The following PCDHA2 variants were observed in gnomAD, a reference collection of about 807,000 sequenced individuals.
The protein encoded by PCDHA2 is protocadherin alpha 2.
In PCDHA2, 58 loss-of-function variants were observed where a neutral mutation model predicts 66.0. The ratio of observed to expected loss-of-function variants is 0.88; its 90% CI spans 0.71 to 1.09. The LOEUF is 1.09. PCDHA2 is among the 50% of genes least tolerant of loss of function. PCDHA2 has a pLI of 0.00. For synonymous variants in PCDHA2, 634 were observed against 554.0 expected, an observed-to-expected ratio of 1.14 and a Z score of -2.03; for missense variants, 1,267 against 1,242.3, an observed-to-expected ratio of 1.02 and a Z score of -0.30.
intron 1 of PCDHA2, chr5:140,814,602 A>G (rs1361623602): frequency 6.6e-6 from 1 of 152,200 alleles, no homozygotes; most frequent in Non-Finnish European, 1.5e-5. Context: ...TGTATGTGCT[A>G]TCTTGTACTT....
intron 3 of PCDHA2, among the ~76,000 whole-genome samples, chr5:141,004,121 C>T (rs1250923202): frequency 6.6e-6 from 1 of 152,230 alleles, no homozygotes; most frequent in Non-Finnish European, 1.5e-5. Flanking sequence ...AAGGGAGTAT[C>T]TCCATGATTC....
intron 1 of PCDHA2, chr5:140,823,530 T>C: frequency 1.2e-6 from 2 of 1,613,714 alleles, no homozygotes. Flanking sequence ...GGTCAGTGGG[T>C]GCGGGCCACG....
At chr5:140,923,660 G>T (rs1442227445) in intron 1 of PCDHA2, among the ~76,000 whole-genome samples, 1 of 152,148 alleles carries the variant, frequency 6.6e-6, no homozygotes, top group South Asian at 2.1e-4. Context: ...TTATCTTTGG[G>T]ATATCGTTCT....
chr5:140,852,717 C>T lies in PCDHA2; in HGVS notation c.2388+55365C>T, dbSNP rs2042449102. ...ACTTTCAAGTATCTTTGTCTTTGCA[C>T]GTTTTTCAAGTTTCATGTGCCATTT... is the stretch of plus-strand genomic sequence containing the variant. On this transcript the variant is annotated intron_variant, in intron 1 of 3. Transcript: ENST00000526136. 6 of 981,714 alleles carry T rather than the reference C, an allele frequency of 6.1e-6. 2 individuals carry two copies. Among genetic ancestry groups the T allele is most frequent in the Non-Finnish European group, 7.4e-6 (6 of 814,360 alleles). 60.8% of individuals were successfully genotyped at this position (981,714 alleles called of 1,614,324 possible).
In PCDHA2 at chr5:140,830,512, T is replaced by C. The variant is rs2150187372; in HGVS notation, c.2388+33160T>C. The C allele has an allele frequency of 1.4e-4, 192 of 1,383,570 alleles. 1 individual carries two copies. The highest frequency in any genetic ancestry group is 1.8e-4 in the Non-Finnish European group (187 of 1,037,940). The allele number at this position is 1,383,570 out of a possible 1,614,324, so 85.7% of individuals were successfully genotyped here. On this transcript the variant is annotated intron_variant, in intron 1 of 3. Coordinates refer to ENST00000526136, the MANE Select transcript of PCDHA2 (RefSeq NM_018905.3). ...TAAGTGAATTTTCATAATTAACAGTTAATTTTTATTTTAAATTTATAATTG... is the reference window on the plus strand; with the variant it reads ...TAAGTGAATTTTCATAATTAACAGTCAATTTTTATTTTAAATTTATAATTG...
rs559093543 is a variant in PCDHA2 at position 140,936,623 on chromosome 5, A to G, written c.2389-42326A>G. Among the ~76,000 whole-genome samples, 3 of 152,312 alleles carry G rather than the reference A, an allele frequency of 2.0e-5. No individual in the cohort carries two copies. The East Asian group carries it at 5.8e-4, about 29-fold the overall frequency. On this transcript the variant is annotated intron_variant, in intron 1 of 3. Transcript: ENST00000526136. ...TTCCTCGCTGCTACTGTGCAGTGCT[A>G]CCTTTGTCATAAGCAACGTGACTTT...
chr5:140,899,609 A>G (rs898089235), intron 1 of PCDHA2, among the ~76,000 whole-genome samples: 12 of 152,104 alleles, frequency 7.9e-5, no homozygotes, highest in Non-Finnish European at 1.6e-4. Context: ...CTTTTGCATC[A>G]ATGTTCATCA....
chr5:140,870,428 T>C, intron 1 of PCDHA2: 3 of 1,614,126 alleles, frequency 1.9e-6, no homozygotes, highest in Non-Finnish European at 2.5e-6. Flanking sequence ...AGGGTATCCG[T>C]GGAGGTGGCC....
chr5:140,969,399 AT>A, intron 1 of PCDHA2: 1 of 1,580,514 alleles, frequency 6.3e-7, no homozygotes, highest in Non-Finnish European at 8.6e-7. Context: ...ATATCCTGTG[AT>A]TTGGCTTTAT....
chr5:140,805,343 T>A (rs1763548876), intron 1 of PCDHA2: 1 of 1,222,294 alleles, frequency 8.2e-7, no homozygotes. Flanking sequence ...ATGATCATTT[T>A]GTAAAAATAT....
intron 1 of PCDHA2, chr5:140,867,891 G>C (rs1468636250): frequency 1.3e-5 from 2 of 152,016 alleles, no homozygotes; most frequent in African/African-American, 4.8e-5. Flanking sequence ...CACAATATCA[G>C]GTACTTACAG....
At chr5:140,908,911 T>C (rs535661545) in intron 1 of PCDHA2, among the ~76,000 whole-genome samples, 1 of 152,300 alleles carries the variant, frequency 6.6e-6, no homozygotes, top group South Asian at 2.1e-4. Flanking sequence ...TTCGTGGTTG[T>C]AGGAGGGGCC....
At chr5:140,896,226 T>C (rs1554186874) in intron 1 of PCDHA2, among the ~76,000 whole-genome samples, 1 of 152,242 alleles carries the variant, frequency 6.6e-6, no homozygotes, top group Non-Finnish European at 1.5e-5. Flanking sequence ...GTCTTTATAG[T>C]AGAATGACTT....
At chr5:140,886,276 A>T (rs1352172114) in intron 1 of PCDHA2, among the ~76,000 whole-genome samples, 3 of 152,062 alleles carry the variant, frequency 2.0e-5, no homozygotes, top group Admixed American at 1.3e-4. Flanking sequence ...AAAATTTTTT[A>T]AAATTATTTT....
intron 1 of PCDHA2, chr5:140,841,596 G>A (rs782464159): frequency 6.2e-7 from 1 of 1,614,094 alleles, no homozygotes; most frequent in Non-Finnish European, 8.5e-7. Flanking sequence ...CGGATCGACC[G>A]CGAGGAGCTG....
intron 1 of PCDHA2, among the ~76,000 whole-genome samples, chr5:140,951,313 T>C (rs1554219855): frequency 1.3e-5 from 2 of 152,194 alleles, no homozygotes; most frequent in Non-Finnish European, 2.9e-5. Flanking sequence ...TAATGTGTTA[T>C]TCTTGAGATT....
In PCDHA2 at chr5:140,842,523, T is replaced by A. The variant is rs201459051; in HGVS notation, c.2388+45171T>A. The A allele has an allele frequency of 5.0e-5, 81 of 1,613,306 alleles. 4 individuals are homozygous for A. Among genetic ancestry groups the A allele is most frequent in the Non-Finnish European group, 3.3e-5 (39 of 1,179,452 alleles). ...GTCCCCTTCAAGCTGGTGTCCACCT[T>A]CAAGAATTACTACTCGTTGGTGCTG... On this transcript the variant is annotated intron_variant, in intron 1 of 3. Coordinates refer to ENST00000526136, the MANE Select transcript of PCDHA2 (RefSeq NM_018905.3).
chr5:140,825,245 T>C (rs1257596640), intron 1 of PCDHA2: 1 of 151,538 alleles, frequency 6.6e-6, no homozygotes, highest in Non-Finnish European at 1.5e-5. Context: ...ATCTATGGTG[T>C]TCCATTGTGT....
At chr5:140,963,168 T>G (rs1554226465) in intron 1 of PCDHA2, among the ~76,000 whole-genome samples, 1 of 152,160 alleles carries the variant, frequency 6.6e-6, no homozygotes, top group East Asian at 1.9e-4. Flanking sequence ...ACATGCCATC[T>G]TACAGATATG....
Sources: allele counts gnomAD v4.1 joint callset (sites outside exome capture counted in the v4.1 genomes callset), GRCh38; gene constraint gnomAD v4.1.1; transcripts MANE v1.5; gene names NCBI Gene and HGNC (gene_info 2026-07-23, HGNC 2026-07-21).